IFNL3: variants seen among roughly 807,000 people sequenced by gnomAD.
IFNL3 encodes the protein interferon lambda 3.
In IFNL3, 16 loss-of-function variants were observed where a neutral mutation model predicts 16.3. The ratio of observed to expected loss-of-function variants is 0.98; its 90% CI spans 0.67 to 1.50. The LOEUF is 1.50. Ranked by LOEUF, IFNL3 falls within the 40% of genes most tolerant of loss-of-function variation. IFNL3 has a pLI of 0.00. For missense variants in IFNL3, 254 were observed against 253.5 expected (o/e 1.00, Z -0.01); for synonymous variants, 115 against 115.3 (o/e 1.00, Z 0.02).
rs201418207 is a variant in IFNL3 at position 39,244,460 on chromosome 19, C to T, written c.215G>A (p.Arg72His). Residue 72 changes from arginine to histidine, a missense_variant, in exon 2 of 5, where the codon CGC (arginine) becomes CAC (histidine). Physicochemically the swap from Arg to His is conservative, Grantham distance 29. Coordinates refer to ENST00000413851, the MANE Select transcript of IFNL3 (RefSeq NM_172139.4). ...CCAGGTCCTGGGGAAGAGGCGGGAG[C>T]GGCACTTGCAGTCCTTCAGCAGAAG... ...ESLLLKDCKCRSRLFPRTWDL... is the reference protein window; with the variant it reads ...ESLLLKDCKCHSRLFPRTWDL... 2.5e-3 allele frequency: 4,054 copies of T among 1,609,538 alleles called. 37 individuals are homozygous for T. The African/African-American group carries it at 0.027, about 11-fold the overall frequency.
At position 39,244,904 on chromosome 19, in the gene IFNL3, C is replaced by T; in HGVS notation, c.64G>A (p.Val22Ile). ...GCCCCGCGGAGCCTGGCGACAGGAACTGCTCCAGTCACGGTCAGCACTGCG... is the reference window on the plus strand; with the variant it reads ...GCCCCGCGGAGCCTGGCGACAGGAATTGCTCCAGTCACGGTCAGCACTGCG... Reference protein sequence around the residue: ...MAAVLTVTGAVPVARLRGALP... With the variant: ...MAAVLTVTGAIPVARLRGALP... The change falls in exon 1 of 5, where the codon GTT becomes ATT. Residue 22 changes from valine (V) to isoleucine (I), a missense_variant. Val to Ile is a conservative substitution (Grantham distance 29). Transcript: ENST00000413851. The T allele has an allele frequency of 6.2e-7, 1 of 1,614,008 alleles. No individual in the cohort carries two copies. Among genetic ancestry groups the T allele is most frequent in the Non-Finnish European group, 8.5e-7 (1 of 1,179,878 alleles).
At position 39,244,930 on chromosome 19, in the gene IFNL3, G is replaced by C. The variant is rs2074938115; in HGVS notation, c.38C>G (p.Ala13Gly). The C allele has an allele frequency of 6.2e-7, 1 of 1,614,006 alleles. No individual in the cohort carries two copies. The highest frequency in any genetic ancestry group is 1.3e-5 in the African/African-American group (1 of 75,044). ...TGCTCCAGTCACGGTCAGCACTGCG[G>C]CCATCAGCACCAGCACTGGCATGCA... ...GDCMPVLVLM[A>G]AVLTVTGAVP... Residue 13 changes from alanine (A) to glycine (G), a missense_variant, in exon 1 of 5, where the codon GCC becomes GGC. Ala to Gly is a moderately conservative substitution (Grantham distance 60). Coordinates refer to ENST00000413851, the MANE Select transcript of IFNL3 (RefSeq NM_172139.4).
In IFNL3 at chr19:39,244,419, G is replaced by T; in HGVS notation, c.256C>A (p.Gln86Lys). Residue 86 changes from glutamine (Q) to lysine (K), a missense_variant and splice_region_variant, in exon 2 of 5, where the codon CAG becomes AAG. Transcript: ENST00000413851. ...GTGGGCCTGACTCCCCCTCTCACCT[G>T]CAGCTGCCTCAGGTCCCAGGTCCTG... ...FPRTWDLRQL[Q>K]VRERPVALEA... The T allele has an allele frequency of 6.2e-7, 1 of 1,611,178 alleles. No homozygotes were observed. The highest frequency in any genetic ancestry group is 8.5e-7 in the Non-Finnish European group (1 of 1,178,680).
At position 39,244,441 on chromosome 19, in the gene IFNL3, C is replaced by A; in HGVS notation, c.234G>T (p.Arg78Ser). 1 of 1,612,234 alleles carries A rather than the reference C, an allele frequency of 6.2e-7. No individual in the cohort carries two copies. The highest frequency in any genetic ancestry group is 8.5e-7 in the Non-Finnish European group (1 of 1,179,250). Residue 78 changes from arginine to serine, a missense_variant, in exon 2 of 5, where the codon AGG (arginine) becomes AGT (serine). By Grantham distance (110) the Arg-to-Ser change is moderately radical (BLOSUM62 -1). Coordinates refer to ENST00000413851, the MANE Select transcript of IFNL3 (RefSeq NM_172139.4). The part of the protein sequence containing the change: ...DCKCRSRLFP[R>S]TWDLRQLQVR... ...CCTGCAGCTGCCTCAGGTCCCAGGT[C>A]CTGGGGAAGAGGCGGGAGCGGCACT...
chr19:39,244,639 A>C (rs2074935220), intron 1 of IFNL3, 145 bp from the exon 2 acceptor site: 1 of 1,367,564 alleles, frequency 7.3e-7, no homozygotes. Flanking sequence ...GGAAAACATG[A>C]GTCAGTCCCT....
chr19:39,243,889 C>A lies in IFNL3; in HGVS notation c.427G>T (p.Ala143Ser). The A allele has an allele frequency of 6.2e-7, 1 of 1,613,642 alleles. No homozygotes were observed. The highest frequency in any genetic ancestry group is 8.5e-7 in the Non-Finnish European group (1 of 1,179,928). ...AGGCGGCCCCGGGTCCTGGGCCCTG[C>A]CGTGGGCTGAGGCTGGATCTGTGGG... ...LRACIQPQPTAGPRTRGRLHH... is the reference protein window; with the variant it reads ...LRACIQPQPTSGPRTRGRLHH... The change falls in exon 4 of 5, where the codon GCA (alanine) becomes TCA (serine). Residue 143 changes from alanine (A) to serine (S), a missense_variant. Transcript: ENST00000413851.
In IFNL3 at chr19:39,244,009, C is replaced by A; in HGVS notation, c.407G>T (p.Cys136Phe). ...GGTGCCCGGGCCCTGACGACTCACA[C>A]AGGCCCGGAGCTGGGAGAGGATATG... ...LHHILSQLRA[C>F]IQPQPTAGPR... is the part of the protein sequence containing the mutation. The change falls in exon 3 of 5, where the codon TGT (cysteine) becomes TTT (phenylalanine). Residue 136 changes from cysteine (C) to phenylalanine (F), a missense_variant and splice_region_variant. Transcript: ENST00000413851. 6.2e-7 allele frequency: 1 copy of A among 1,613,600 alleles called. No individual in the cohort carries two copies. The highest frequency in any genetic ancestry group is 8.5e-7 in the Non-Finnish European group (1 of 1,179,610).
At chr19:39,244,186 G>C (rs200419716) in intron 2 of IFNL3, 29 bp from the exon 3 acceptor site, 63 of 1,612,942 alleles carry the variant, frequency 3.9e-5, no homozygotes, top group Admixed American at 1.0e-4. Context: ...GAGCAGGTGA[G>C]GGGGGAGGTG....
Position 39,243,558 on chromosome 19 carries a change from G to T in IFNL3, c.*74C>A. Reference sequence around the variant, plus strand: ...TTACATACACAAATACATAAATAGCGACTGGGTGACAATAAATTAAGCCAA... The same window carrying T: ...TTACATACACAAATACATAAATAGCTACTGGGTGACAATAAATTAAGCCAA... On this transcript the variant is annotated 3_prime_UTR_variant, in exon 5 of 5. Transcript: ENST00000413851. 1.4e-6 allele frequency: 2 copies of T among 1,459,528 alleles called. No individual in the cohort carries two copies. Among genetic ancestry groups the T allele is most frequent in the South Asian group, 1.2e-5 (1 of 81,474 alleles). 90.4% of individuals were successfully genotyped at this position (1,459,528 alleles called of 1,614,324 possible).
chr19:39,244,539 G>T, intron 1 of IFNL3, 45 bp from the exon 2 acceptor site: 2 of 1,570,566 alleles, frequency 1.3e-6, no homozygotes, highest in Non-Finnish European at 1.7e-6. Context: ...AGGGGTGGAG[G>T]TTAGACCACT....
chr19:39,244,314 G>A, intron 2 of IFNL3, 103 bp downstream of exon 2: 1 of 1,480,060 alleles, frequency 6.8e-7, no homozygotes, highest in Non-Finnish European at 9.2e-7. Context: ...CAGGTGTGGG[G>A]AGAGGAGAGA....
chr19:39,244,516 T>C lies in IFNL3; in HGVS notation c.181-22A>G, dbSNP rs562873397. On this transcript the variant is annotated intron_variant, in intron 1 of 4. Transcript: ENST00000413851. ...CTTCCTAGACAGCAAAGGCACAGGT[T>C]AGCCCCAGCAGGAGGGGTGGAGGTT... The C allele has an allele frequency of 2.6e-5, 42 of 1,598,966 alleles. No homozygotes were observed. In the African/African-American group the frequency reaches 4.7e-4, roughly 18 times the overall value.
rs2144969522 is a variant in IFNL3 at position 39,244,175 on chromosome 19, A to G, written c.259-18T>C. The G allele has an allele frequency of 6.2e-7, 1 of 1,613,938 alleles. No individual in the cohort carries two copies. ...TCCCTCACCTGAGGAGAGGTGAGAAAGAGCAGGTGAGGGGGGAGGTGAGGG... is the reference window on the plus strand; with the variant it reads ...TCCCTCACCTGAGGAGAGGTGAGAAGGAGCAGGTGAGGGGGGAGGTGAGGG... On this transcript the variant is annotated intron_variant, in intron 2 of 4. Transcript: ENST00000413851.
At chr19:39,244,292 G>A in intron 2 of IFNL3, 125 bp downstream of exon 2, 1 of 1,482,236 alleles carries the variant, frequency 6.7e-7, no homozygotes, top group Non-Finnish European at 9.2e-7. Context: ...TAGGAGCAGA[G>A]GGAAGGGGTA....
rs569399725 is a variant in IFNL3, at chr19:39,243,986, T to C, written c.408+22A>G. 232 of 1,612,308 alleles carry C rather than the reference T, an allele frequency of 1.4e-4. 1 individual carries two copies. In the South Asian group the frequency reaches 2.3e-3, roughly 16 times the overall value. ...GCTGCTCAGAGCTCACAGACCTGGG[T>C]GCCCGGGCCCTGACGACTCACACAG... is the stretch of plus-strand genomic sequence containing the variant. On this transcript the variant is annotated intron_variant, in intron 3 of 4. Transcript: ENST00000413851.
rs28416813 is a variant in IFNL3 at position 39,245,004 on chromosome 19, C to G, written c.-37G>C. 0.31 allele frequency: 498,242 copies of G among 1,609,610 alleles called. 83,364 individuals carry two copies. The highest frequency in any genetic ancestry group is 0.61 in the African/African-American group (44,678 of 73,588). On this transcript the variant is annotated 5_prime_UTR_variant, in exon 1 of 5. Coordinates refer to ENST00000413851, the MANE Select transcript of IFNL3 (RefSeq NM_172139.4). The stretch of plus-strand genomic sequence containing the variant: ...AGAGAGAAAGGGAGCTGAGGGAATG[C>G]AGAGGCTGCCCACTGAGGGCAGGGG...
intron 1 of IFNL3, 121 bp downstream of exon 1, chr19:39,244,667 T>C (rs973811038): frequency 2.2e-6 from 3 of 1,384,598 alleles, no homozygotes; most frequent in Non-Finnish European, 3.0e-6. Flanking sequence ...GAGCATGAGA[T>C]AGCCCACTGC....
In IFNL3 at chr19:39,244,774, A is replaced by T; in HGVS notation, c.180+14T>A. ...GGAGGCTAGTCCATGGCAGGAGGGC[A>T]GGGGGAGACTCACTAAGGCATCTTT... On this transcript the variant is annotated intron_variant, in intron 1 of 4. Transcript: ENST00000413851. 6.2e-7 allele frequency: 1 copy of T among 1,607,574 alleles called. No individual in the cohort carries two copies. Among genetic ancestry groups the T allele is most frequent in the South Asian group, 1.1e-5 (1 of 90,644 alleles).
rs745893438 is a variant in IFNL3, at chr19:39,243,990, C to G, written c.408+18G>C. 1.9e-6 allele frequency: 3 copies of G among 1,612,316 alleles called. No homozygotes were observed. Among genetic ancestry groups the G allele is most frequent in the Admixed American group, 1.7e-5 (1 of 59,956 alleles). ...CTCAGAGCTCACAGACCTGGGTGCC[C>G]GGGCCCTGACGACTCACACAGGCCC... On this transcript the variant is annotated intron_variant, in intron 3 of 4. Transcript: ENST00000413851.
Sources: gnomAD v4.1 joint callset for allele counts on GRCh38, gnomAD v4.1.1 for gene constraint, MANE v1.5 for transcripts, NCBI Gene and HGNC (gene_info 2026-07-23, HGNC 2026-07-21) for gene names.